The following INSL6 variants were observed in gnomAD, a reference collection of about 807,000 sequenced individuals.
INSL6 encodes insulin like 6, also known as insulin-like peptide INSL6.
In INSL6, 16 loss-of-function variants were observed where a neutral mutation model predicts 9.4. That is an observed-to-expected ratio of 1.70 (90% CI 1.15 to 2.59). INSL6 has a LOEUF of 2.59. Among genes scored for constraint, INSL6 ranks in the 30% most tolerant of loss-of-function variants. INSL6 has a pLI of 0.00. For synonymous variants in INSL6, 154 were observed against 96.9 expected, an observed-to-expected ratio of 1.59 and a Z score of -3.46; for missense variants, 391 against 257.3, an observed-to-expected ratio of 1.52 and a Z score of -3.56.
At chr9:5,097,946 T>C in the INSL6 span, 1 of 152,188 alleles carries the variant, frequency 6.6e-6, no homozygotes, top group African/African-American at 2.4e-5. Context: ...CCCACAGCAC[T>C]TCCTTGGCCT....
chr9:5,074,545 A>G, the INSL6 span, among the ~76,000 whole-genome samples: 1 of 152,150 alleles, frequency 6.6e-6, no homozygotes, highest in South Asian at 2.1e-4. Context: ...CCAAACAGAG[A>G]GAATATAAGA....
chr9:5,105,714 G>A, the INSL6 span, among the ~76,000 whole-genome samples: 2 of 152,224 alleles, frequency 1.3e-5, no homozygotes, highest in South Asian at 4.1e-4. Flanking sequence ...TACCCAAACA[G>A]AGATAGACCA....
At chr9:5,048,545 A>C in the INSL6 span, among the ~76,000 whole-genome samples, 1 of 152,142 alleles carries the variant, frequency 6.6e-6, no homozygotes, top group Non-Finnish European at 1.5e-5. Context: ...CTGTTCTCAA[A>C]AGTGTGGTGA....
chr9:5,144,630 C>A (rs987279811), intron 2 of INSL6, among the ~76,000 whole-genome samples: 3 of 152,150 alleles, frequency 2.0e-5, no homozygotes, highest in African/African-American at 4.8e-5. Flanking sequence ...TTGAAAGTCT[C>A]CAAGAATTTG....
At chr9:5,022,152 G>C in the INSL6 span, 2 of 1,614,028 alleles carry the variant, frequency 1.2e-6, no homozygotes, top group Non-Finnish European at 1.7e-6. Flanking sequence ...CAGATTATCT[G>C]ACCTTTCCAT....
At chr9:5,163,371 A>C (rs1423360713), downstream of INSL6, among the ~76,000 whole-genome samples, 1 of 152,220 alleles carries the variant, frequency 6.6e-6, no homozygotes, top group African/African-American at 2.4e-5. Context: ...TAGATTCACT[A>C]AACTCTCTTT....
downstream of INSL6, among the ~76,000 whole-genome samples, chr9:5,123,592 A>G (rs1462804618): frequency 2.6e-5 from 4 of 151,988 alleles, no homozygotes; most frequent in Admixed American, 1.3e-4. Context: ...TGCTTTTGTG[A>G]AGAATGCTGC....
chr9:4,999,608 A>G, the INSL6 span, among the ~76,000 whole-genome samples: 1 of 152,232 alleles, frequency 6.6e-6, no homozygotes, highest in Non-Finnish European at 1.5e-5. Flanking sequence ...TGCAAGCTTG[A>G]GGAGCAAGGA....
At chr9:5,044,316 T>G in the INSL6 span, 12 of 793,318 alleles carry the variant, frequency 1.5e-5, no homozygotes, top group Admixed American at 4.2e-5. Flanking sequence ...ATAATACCTT[T>G]CAGTATGCTG....
At chr9:5,118,461 TATC>T in the INSL6 span, among the ~76,000 whole-genome samples, 296 of 152,340 alleles carry the variant, frequency 1.9e-3, no homozygotes, top group Non-Finnish European at 1.7e-3. Context: ...TCTTCTGGGT[TATC>T]ATTGAAGTTA....
chr9:5,137,471 C>T (rs1026010287), intron 2 of INSL6, among the ~76,000 whole-genome samples: 3 of 151,920 alleles, frequency 2.0e-5, no homozygotes, highest in Non-Finnish European at 4.4e-5. Flanking sequence ...CACCACACAT[C>T]TACAACCACC....
intron 3 of INSL6, among the ~76,000 whole-genome samples, chr9:5,125,058 G>A (rs1028001834): frequency 6.6e-6 from 1 of 150,886 alleles, no homozygotes; most frequent in African/African-American, 2.4e-5. Context: ...ACCTTCCAAA[G>A]TAATTTTTCT....
In INSL6 at chr9:5,163,946, T is replaced by C. The variant is rs1564049277; in HGVS notation, c.609A>G (p.Glu203=). The change falls in exon 2 of 2, where the codon GAA becomes GAG. Residue 203 remains glutamate (E), a synonymous_variant. Coordinates refer to ENST00000381641, the MANE Select transcript of INSL6 (RefSeq NM_007179.3). The stretch of plus-strand genomic sequence containing the variant: ...TCTTAGTTACAAGTGATGATCTTTT[T>C]TCCTTTAGCCTTTTAAAATCAATAT... The part of the protein sequence containing the change: ...LPYIDFKRLK[E]KRSSLVTKIY 3 of 1,607,606 alleles carry C rather than the reference T, an allele frequency of 1.9e-6. No individual in the cohort carries two copies. The highest frequency in any genetic ancestry group is 4.5e-5 in the East Asian group (2 of 44,794).
chr9:5,018,791 T>C, the INSL6 span, among the ~76,000 whole-genome samples: 2 of 152,270 alleles, frequency 1.3e-5, no homozygotes, highest in African/African-American at 4.8e-5. Context: ...TATAGTATCC[T>C]TGACTTGCAG....
At chr9:5,061,108 T>G in the INSL6 span, among the ~76,000 whole-genome samples, 2 of 152,254 alleles carry the variant, frequency 1.3e-5, no homozygotes, top group Non-Finnish European at 2.9e-5. Context: ...ACAATAGATG[T>G]GCTGTCATCC....
the INSL6 span, among the ~76,000 whole-genome samples, chr9:5,073,381 TCTA>T: frequency 6.6e-6 from 1 of 152,210 alleles, no homozygotes; most frequent in African/African-American, 2.4e-5. Context: ...ATCTCTGACA[TCTA>T]CCTCTAGTTG....
intron 1 of INSL6, among the ~76,000 whole-genome samples, chr9:5,170,682 C>T (rs950486569): frequency 6.6e-6 from 1 of 151,584 alleles, no homozygotes; most frequent in African/African-American, 2.4e-5. Context: ...CACAGAAATA[C>T]AAACAACCAT....
chr9:5,011,502 T>C, the INSL6 span, among the ~76,000 whole-genome samples: 1 of 152,252 alleles, frequency 6.6e-6, no homozygotes, highest in African/African-American at 2.4e-5. Flanking sequence ...GATTTCTTGA[T>C]ATTGTAGAGT....
At chr9:5,076,546 C>T in the INSL6 span, among the ~76,000 whole-genome samples, 7 of 151,906 alleles carry the variant, frequency 4.6e-5, no homozygotes, top group Admixed American at 2.6e-4. Context: ...TAAGATATAA[C>T]GCTGTTGCAC....
Sources: allele counts gnomAD v4.1 joint callset (sites outside exome capture counted in the v4.1 genomes callset), GRCh38; gene constraint gnomAD v4.1.1; transcripts MANE v1.5; gene names NCBI Gene and HGNC (gene_info 2026-07-23, HGNC 2026-07-21).